PC: variants seen among roughly 807,000 people sequenced by gnomAD.
PC encodes pyruvate carboxylase, mitochondrial.
Under a neutral mutation model 107.8 loss-of-function variants are expected in PC, and 46 were observed. The observed-to-expected ratio is 0.43, with a 90% CI of 0.34 to 0.55. The LOEUF is 0.55. PC is among the 20% of genes least tolerant of loss of function. The probability of loss-of-function intolerance (pLI) is 0.04; values close to 1 mark genes in which losing one functional copy is unlikely to be tolerated. For missense variants in PC, 1,241 were observed against 1,643.1 expected (o/e 0.76, Z 4.23); for synonymous variants, 662 against 684.7 (o/e 0.97, Z 0.52).
chr11:66,873,483 AATATTATAT>A (rs1946843670), intron 3 of PC, among the ~76,000 whole-genome samples: 1 of 70,816 alleles, frequency 1.4e-5, no homozygotes, highest in East Asian at 3.6e-4. Context: ...TATAATATAT[AATATTATAT>A]ATATTATATA....
intron 3 of PC, among the ~76,000 whole-genome samples, chr11:66,925,387 G>A (rs115260109): frequency 0.02 from 3,078 of 152,176 alleles, 116 homozygotes; most frequent in African/African-American, 0.07. Flanking sequence ...CCTCAGGGAC[G>A]CATCTCTTTC....
chr11:66,860,416 C>T, intron 12 of PC: 2 of 716,316 alleles, frequency 2.8e-6, no homozygotes, highest in Non-Finnish European at 5.0e-6. Context: ...GAGGCAGGGG[C>T]TGCAGCCACC....
At position 66,866,709 on chromosome 11, in the gene PC, A is replaced by G. The variant is rs1381704220; in HGVS notation, c.1023-360T>C. ...TGAGGTCTGTTTTCCCCACTCCCCT[A>G]AACTCCCCCTTGGTAAAGCCTAGAT... On this transcript the variant is annotated intron_variant, in intron 10 of 22. Transcript: ENST00000393960. The surrounding 1 kb of genome is among the most constrained non-coding windows in gnomAD (Gnocchi z 5.4). Among the ~76,000 whole-genome samples, 1 of 152,012 alleles carries G rather than the reference A, an allele frequency of 6.6e-6. No homozygotes were observed. The highest frequency in any genetic ancestry group is 6.6e-5 in the Admixed American group (1 of 15,258).
chr11:66,849,210 G>A lies in PC; in HGVS notation c.3288+20C>T, dbSNP rs750712278. On this transcript the variant is annotated intron_variant, in intron 22 of 22. Coordinates refer to ENST00000393960, the MANE Select transcript of PC (RefSeq NM_001040716.2). ...CCCAGCCAAGCCCCACCGCCTGGCTGGCCCTGGGGGAGACAATACCTTCAT... is the reference window on the plus strand; with the variant it reads ...CCCAGCCAAGCCCCACCGCCTGGCTAGCCCTGGGGGAGACAATACCTTCAT... 8 of 1,613,702 alleles carry A rather than the reference G, an allele frequency of 5.0e-6. No individual in the cohort carries two copies. Among genetic ancestry groups the A allele is most frequent in the African/African-American group, 2.7e-5 (2 of 74,948 alleles).
chr11:66,857,635 C>CG lies in PC; in HGVS notation c.1369-4253dup, dbSNP rs1945945274. The CG allele has an allele frequency of 7.9e-7, 1 of 1,273,618 alleles. No homozygotes were observed. The highest frequency in any genetic ancestry group is 1.1e-6 in the Non-Finnish European group (1 of 949,266). 78.9% of individuals were successfully genotyped at this position (1,273,618 alleles called of 1,614,324 possible). Reference sequence around the variant, plus strand: ...TTGGGCCTCTGACCCAGCCCCTCCCCGGGCCAGGCTCACAGAAGCTGGCTT... The same window carrying CG: ...TTGGGCCTCTGACCCAGCCCCTCCCCGGGGCCAGGCTCACAGAAGCTGGCTT... On this transcript the variant is annotated intron_variant, in intron 12 of 22. Coordinates refer to ENST00000393960, the MANE Select transcript of PC (RefSeq NM_001040716.2). The surrounding 1 kb of genome is among the most constrained non-coding windows in gnomAD (Gnocchi z 7.1).
intron 3 of PC, among the ~76,000 whole-genome samples, chr11:66,946,903 A>G (rs780223529): frequency 2.0e-5 from 3 of 152,194 alleles, no homozygotes; most frequent in Non-Finnish European, 4.4e-5. Context: ...GATGCTCAAC[A>G]TCATTATCAT....
At position 66,871,100 on chromosome 11, in the gene PC, C is replaced by T. The variant is rs375925670; in HGVS notation, c.585G>A (p.Ala195=). 1.5e-5 allele frequency: 25 copies of T among 1,613,918 alleles called. No individual in the cohort carries two copies. The African/African-American group carries it at 2.8e-4, about 18-fold the overall frequency. The change falls in exon 7 of 23, where the codon GCG becomes GCA. Residue 195 remains alanine, a synonymous_variant. Coordinates refer to ENST00000393960, the MANE Select transcript of PC (RefSeq NM_001040716.2). The surrounding 1 kb of genome is among the most constrained non-coding windows in gnomAD (Gnocchi z 7.4). ...NTYGFPIIFK[A]AYGGGGRGMR... ...TGCCACGCCCTCCACCCCCATAGGC[C>T]GCCTTGAAGATGATGGGGAAGCCGT...
In PC at chr11:66,868,838, A is replaced by G; in HGVS notation, c.1022+8T>C. On this transcript the variant is annotated splice_region_variant and intron_variant, in intron 10 of 22. Coordinates refer to ENST00000393960, the MANE Select transcript of PC (RefSeq NM_001040716.2). ...CGCCTCCCGCCCCGCCTGCCCGCCCACACTCACTCGGTGATCTCCTCTGTG... is the reference window on the plus strand; with the variant it reads ...CGCCTCCCGCCCCGCCTGCCCGCCCGCACTCACTCGGTGATCTCCTCTGTG... 1 of 1,606,538 alleles carries G rather than the reference A, an allele frequency of 6.2e-7. No individual in the cohort carries two copies. The highest frequency in any genetic ancestry group is 8.5e-7 in the Non-Finnish European group (1 of 1,173,688).
At chr11:66,939,162 C>T (rs1338170927) in intron 3 of PC, among the ~76,000 whole-genome samples, 2 of 151,280 alleles carry the variant, frequency 1.3e-5, no homozygotes, top group African/African-American at 2.4e-5. Context: ...CAAAAATATT[C>T]GAAAAAGCAA....
At chr11:66,861,729 A>G (rs539064082) in intron 12 of PC, among the ~76,000 whole-genome samples, 2 of 152,190 alleles carry the variant, frequency 1.3e-5, no homozygotes, top group Admixed American at 6.5e-5. Flanking sequence ...AGGCGGCTAG[A>G]GCCAGCGGCC....
intron 3 of PC, among the ~76,000 whole-genome samples, chr11:66,941,307 A>G (rs1182035503): frequency 6.6e-6 from 1 of 152,162 alleles, no homozygotes; most frequent in African/African-American, 2.4e-5. Flanking sequence ...GAAATTAAAA[A>G]TAGAATTGCC....
intron 3 of PC, among the ~76,000 whole-genome samples, chr11:66,940,284 G>A (rs1368877494): frequency 6.7e-6 from 1 of 149,764 alleles, no homozygotes; most frequent in South Asian, 2.1e-4. Context: ...CTGCAGCCTC[G>A]ACTTCTCATG....
intron 3 of PC, among the ~76,000 whole-genome samples, chr11:66,926,470 A>G (rs1207097756): frequency 6.6e-6 from 1 of 152,248 alleles, no homozygotes; most frequent in Non-Finnish European, 1.5e-5. Flanking sequence ...AATCCTGGAA[A>G]TAAGCCAAGT....
At chr11:66,879,962 T>C (rs965093406) in intron 3 of PC, among the ~76,000 whole-genome samples, 5 of 152,250 alleles carry the variant, frequency 3.3e-5, no homozygotes, top group Non-Finnish European at 4.4e-5. Context: ...AACCTAGTTA[T>C]GGCCCTGAAA....
In PC at chr11:66,870,665, C is replaced by T; in HGVS notation, c.751+110G>A. 8.1e-7 allele frequency: 1 copy of T among 1,240,710 alleles called. No individual in the cohort carries two copies. 76.9% of individuals were successfully genotyped at this position (1,240,710 alleles called of 1,614,324 possible). A position where few individuals can be genotyped will look rare whatever the true frequency, so the allele number is the denominator to read the frequency against. Reference sequence around the variant, plus strand: ...CTTTCCAGAGTCCTCTGGAAAAGCGCCCGACAGGCCCCAGGGCTGTCCCCA... The same window carrying T: ...CTTTCCAGAGTCCTCTGGAAAAGCGTCCGACAGGCCCCAGGGCTGTCCCCA... On this transcript the variant is annotated intron_variant, in intron 8 of 22. Transcript: ENST00000393960. The surrounding 1 kb of genome is among the most constrained non-coding windows in gnomAD (Gnocchi z 6.1).
intron 12 of PC, chr11:66,859,696 A>G: frequency 4.3e-6 from 7 of 1,612,714 alleles, no homozygotes; most frequent in Non-Finnish European, 5.9e-6. Context: ...GGCGCTGACT[A>G]TGACCTCTGC....
chr11:66,850,642 G>T, intron 18 of PC, 32 bp downstream of exon 18: 1 of 1,604,278 alleles, frequency 6.2e-7, no homozygotes, highest in Non-Finnish European at 8.5e-7. Flanking sequence ...GGCTTTGAGA[G>T]GGGTGTGGCC....
intron 3 of PC, among the ~76,000 whole-genome samples, chr11:66,949,654 G>A (rs1192399657): frequency 6.6e-6 from 1 of 152,114 alleles, no homozygotes; most frequent in Non-Finnish European, 1.5e-5. Context: ...TCGCGACAGA[G>A]CGAGACTCCA....
rs1231130693 is a variant in PC at position 66,851,100 on chromosome 11, C to T, written c.2163G>A (p.Gln721=). 1 of 1,613,376 alleles carries T rather than the reference C, an allele frequency of 6.2e-7. No individual in the cohort carries two copies. Among genetic ancestry groups the T allele is most frequent in the Non-Finnish European group, 8.5e-7 (1 of 1,180,030 alleles). The change falls in exon 17 of 23, where the codon CAG becomes CAA. Residue 721 remains glutamine, a synonymous_variant. Transcript: ENST00000393960. The part of the protein sequence containing the change: ...ADPSRTKYSL[Q]YYMGLAEELV... ...GCTCTTCGGCCAAGCCCATGTAGTA[C>T]TGCAGTGAGTACTTGGTGCGGCTGG...
Sources: allele counts gnomAD v4.1 joint callset (sites outside exome capture counted in the v4.1 genomes callset), GRCh38; gene constraint gnomAD v4.1.1; non-coding constraint Gnocchi (gnomAD v3.1); transcripts MANE v1.5; gene names NCBI Gene and HGNC (gene_info 2026-07-23, HGNC 2026-07-21).